The following ARSB variants were observed in gnomAD, a reference collection of about 807,000 sequenced individuals.
ARSB encodes the protein arylsulfatase B.
A neutral mutation model predicts 50.9 loss-of-function variants in ARSB; 41 were observed. The observed-to-expected ratio is 0.81, with a 90% CI of 0.63 to 1.04. The LOEUF (loss-of-function observed/expected upper bound fraction) is 1.04. ARSB is among the 50% of genes least tolerant of loss of function. The pLI is 0.00. For synonymous variants in ARSB, 269 were observed against 284.8 expected, an observed-to-expected ratio of 0.94 and a Z score of 0.56; for missense variants, 672 against 693.3, an observed-to-expected ratio of 0.97 and a Z score of 0.35.
chr5:78,848,866 T>C (rs1185064801), intron 5 of ARSB, among the ~76,000 whole-genome samples: 1 of 152,196 alleles, frequency 6.6e-6, no homozygotes, highest in Admixed American at 6.5e-5. Context: ...CATAAATGTC[T>C]TCTTTTGAGA....
rs760064318 is a variant in ARSB, at chr5:78,815,036, CCAAA to C, written c.1213+24316_1213+24319del. 4.1e-4 allele frequency among the ~76,000 whole-genome samples: 62 copies of C among 150,764 alleles called. 1 individual carries two copies. Among genetic ancestry groups the C allele is most frequent in the Middle Eastern group, 3.4e-3 (1 of 294 alleles). On this transcript the variant is annotated intron_variant, in intron 6 of 7. Coordinates refer to ENST00000264914, the MANE Select transcript of ARSB (RefSeq NM_000046.5). ...CCCCAAACTAAAACAACAAAACCAA[CCAAA>C]CAAACAAAAAACAATGTGCAAAGTT...
chr5:78,805,283 G>T (rs1743520861), intron 6 of ARSB, among the ~76,000 whole-genome samples: 2 of 152,174 alleles, frequency 1.3e-5, no homozygotes, highest in African/African-American at 4.8e-5. Flanking sequence ...TGGAGAATCT[G>T]CCATATTAGG....
At chr5:78,895,043 CCAAA>C (rs1226020161) in intron 4 of ARSB, among the ~76,000 whole-genome samples, 7 of 152,304 alleles carry the variant, frequency 4.6e-5, no homozygotes, top group South Asian at 4.1e-4. Context: ...AACCAACCAA[CCAAA>C]CAAACAAACA....
At chr5:78,861,869 A>G (rs929820012) in intron 5 of ARSB, among the ~76,000 whole-genome samples, 23 of 152,174 alleles carry the variant, frequency 1.5e-4, no homozygotes, top group African/African-American at 5.1e-4. Flanking sequence ...AAACCCCATC[A>G]TCTCAGCCCA....
In ARSB at chr5:78,840,188, T is replaced by C. The variant is rs199701346; in HGVS notation, c.1143-762A>G. ...ATAGGCACCCAGGTCATTTTGCTAG[T>C]GTAGACTCAGCCTTACAGAAGTAGC... On this transcript the variant is annotated intron_variant, in intron 5 of 7. Transcript: ENST00000264914. 2.0e-5 allele frequency among the ~76,000 whole-genome samples: 3 copies of C among 152,354 alleles called. No homozygotes were observed. In the East Asian group the frequency reaches 5.8e-4, roughly 29 times the overall value.
chr5:78,797,005 G>T (rs1460252191), intron 6 of ARSB, among the ~76,000 whole-genome samples: 1 of 151,274 alleles, frequency 6.6e-6, no homozygotes, highest in Non-Finnish European at 1.5e-5. Context: ...AGCCTCCCAA[G>T]TAGCTGGGAC....
At chr5:78,848,451 A>C (rs985556010) in intron 5 of ARSB, among the ~76,000 whole-genome samples, 2 of 150,478 alleles carry the variant, frequency 1.3e-5, no homozygotes, top group African/African-American at 4.9e-5. Flanking sequence ...CATTTTCTTA[A>C]TCCAGTCTAT....
chr5:78,945,032 G>A (rs1751151174), intron 4 of ARSB, among the ~76,000 whole-genome samples: 1 of 152,160 alleles, frequency 6.6e-6, no homozygotes, highest in Non-Finnish European at 1.5e-5. Context: ...TCAGACTGCT[G>A]TACTAGCAAT....
intron 4 of ARSB, among the ~76,000 whole-genome samples, chr5:78,954,365 A>T (rs1030676202): frequency 2.6e-5 from 4 of 152,226 alleles, no homozygotes; most frequent in Non-Finnish European, 4.4e-5. Flanking sequence ...GAGAGGGGGA[A>T]GTTGCACATG....
chr5:78,880,387 C>T (rs991202728), intron 5 of ARSB, among the ~76,000 whole-genome samples: 1 of 152,168 alleles, frequency 6.6e-6, no homozygotes, highest in Non-Finnish European at 1.5e-5. Flanking sequence ...TCGATTCAAT[C>T]CCACCCTCAC....
intron 4 of ARSB, among the ~76,000 whole-genome samples, chr5:78,921,567 G>A (rs1749814940): frequency 6.6e-6 from 1 of 151,904 alleles, no homozygotes; most frequent in Non-Finnish European, 1.5e-5. Context: ...TTTTAATGTG[G>A]CTATTTAAAA....
intron 6 of ARSB, among the ~76,000 whole-genome samples, chr5:78,784,486 T>A (rs1009589242): frequency 2.6e-5 from 4 of 152,204 alleles, no homozygotes; most frequent in Admixed American, 2.6e-4. Context: ...ATACTATTCA[T>A]CCACAAAAAA....
intron 1 of ARSB, among the ~76,000 whole-genome samples, chr5:78,971,854 T>C (rs1215924300): frequency 6.6e-6 from 1 of 152,242 alleles, no homozygotes; most frequent in Non-Finnish European, 1.5e-5. Context: ...TCGAATTGTA[T>C]ACTTGAAGTG....
intron 4 of ARSB, among the ~76,000 whole-genome samples, chr5:78,954,950 T>A (rs571531797): frequency 1.3e-5 from 2 of 152,180 alleles, no homozygotes; most frequent in East Asian, 3.8e-4. Context: ...GTTGTGACCA[T>A]AGAGGATGTC....
chr5:78,945,142 G>A (rs1191809495), intron 4 of ARSB, among the ~76,000 whole-genome samples: 1 of 152,184 alleles, frequency 6.6e-6, no homozygotes, highest in Non-Finnish European at 1.5e-5. Context: ...CAGTATTAGG[G>A]TGGGAGTGAC....
At chr5:78,828,267 A>T (rs1024910304) in intron 6 of ARSB, among the ~76,000 whole-genome samples, 1 of 152,038 alleles carries the variant, frequency 6.6e-6, no homozygotes, top group Non-Finnish European at 1.5e-5. Flanking sequence ...ATTTTTAAAA[A>T]TTTCTTGCAC....
At chr5:78,906,661 T>C (rs1412904412) in intron 4 of ARSB, among the ~76,000 whole-genome samples, 1 of 150,524 alleles carries the variant, frequency 6.6e-6, no homozygotes, top group Non-Finnish European at 1.5e-5. Flanking sequence ...CAAAAGTAAT[T>C]GCAGTTTTCG....
intron 5 of ARSB, among the ~76,000 whole-genome samples, chr5:78,882,015 C>A (rs1747769997): frequency 6.6e-6 from 1 of 152,198 alleles, no homozygotes; most frequent in Non-Finnish European, 1.5e-5. Flanking sequence ...ATGCTAATAG[C>A]CTGAGTGGGG....
At chr5:78,854,892 T>C (rs1433750055) in intron 5 of ARSB, among the ~76,000 whole-genome samples, 1 of 152,214 alleles carries the variant, frequency 6.6e-6, no homozygotes, top group African/African-American at 2.4e-5. Context: ...GTACTTTGAA[T>C]ACATCATCCA....
Sources: gnomAD v4.1 joint callset for allele counts (sites outside exome capture counted in the v4.1 genomes callset) on GRCh38, gnomAD v4.1.1 for gene constraint, MANE v1.5 for transcripts, NCBI Gene and HGNC (gene_info 2026-07-23, HGNC 2026-07-21) for gene names.